The following DIO2 variants were observed in gnomAD, a reference collection of about 807,000 sequenced individuals.
The protein encoded by DIO2 is type II iodothyronine deiodinase.
A neutral mutation model predicts 21.4 loss-of-function variants in DIO2; 19 were observed. The ratio of observed to expected loss-of-function variants is 0.89; its 90% CI spans 0.62 to 1.30. DIO2 has a LOEUF of 1.30. Ranked by LOEUF, DIO2 falls within the 50% of genes most tolerant of loss-of-function variation. DIO2 has a pLI of 0.00. For missense variants in DIO2, 302 were observed against 338.1 expected (o/e 0.89, Z 0.84); for synonymous variants, 122 against 132.9 (o/e 0.92, Z 0.57).
At chr14:80,203,516 T>C (rs1887831226) in intron 1 of DIO2, among the ~76,000 whole-genome samples, 1 of 152,210 alleles carries the variant, frequency 6.6e-6, no homozygotes, top group African/African-American at 2.4e-5. Flanking sequence ...TTCTGTATAG[T>C]CACTGAAGAT....
chr14:80,210,201 G>C (rs1029033918), intron 1 of DIO2, among the ~76,000 whole-genome samples: 1 of 152,138 alleles, frequency 6.6e-6, no homozygotes, highest in African/African-American at 2.4e-5. Context: ...CTCAAGCCTG[G>C]TTGAGGGGGT....
chr14:80,231,002 C>T (rs1031235446), intron 2 of DIO2: 5 of 152,206 alleles, frequency 3.3e-5, no homozygotes, highest in African/African-American at 1.2e-4. Flanking sequence ...TGTTTGAGGG[C>T]AGGAAGCATC....
At chr14:80,229,662 T>G in intron 2 of DIO2, among the ~76,000 whole-genome samples, 1 of 152,196 alleles carries the variant, frequency 6.6e-6, no homozygotes, top group South Asian at 2.1e-4. Context: ...GCTCACAGTG[T>G]GCCATCTTTT....
At chr14:80,221,017 T>A (rs1426176299) in intron 2 of DIO2, among the ~76,000 whole-genome samples, 1 of 152,178 alleles carries the variant, frequency 6.6e-6, no homozygotes, top group East Asian at 1.9e-4. Flanking sequence ...TGAGATTTTT[T>A]AAAAAAACTT....
At chr14:80,206,803 T>A (rs558963696) in intron 1 of DIO2, among the ~76,000 whole-genome samples, 2 of 152,178 alleles carry the variant, frequency 1.3e-5, no homozygotes, top group Non-Finnish European at 2.9e-5. Context: ...TTTTTGTCCT[T>A]AATGAGACAT....
intron 2 of DIO2, among the ~76,000 whole-genome samples, chr14:80,227,968 C>T (rs575987361): frequency 1.3e-5 from 2 of 152,308 alleles, no homozygotes; most frequent in African/African-American, 2.4e-5. Flanking sequence ...CACCACTGGA[C>T]CCCTAGAAAT....
chr14:80,202,240 G>T lies in DIO2; in HGVS notation c.*449C>A. On this transcript the variant is annotated 3_prime_UTR_variant, in exon 2 of 2. Coordinates refer to ENST00000438257, the MANE Select transcript of DIO2 (RefSeq NM_013989.5). ...CATGGCCTGGGTTCAAGGACTTGTT[G>T]TAATATTTGGGAATTTTCCAACTGG... is the stretch of plus-strand genomic sequence containing the variant. 2.0e-6 allele frequency: 1 copy of T among 508,632 alleles called. No homozygotes were observed. Among genetic ancestry groups the T allele is most frequent in the Non-Finnish European group, 3.9e-6 (1 of 255,314 alleles). The allele number at this position is 508,632 out of a possible 1,614,324, so 31.5% of individuals were successfully genotyped here.
At chr14:80,227,904 G>A (rs993160030) in intron 2 of DIO2, among the ~76,000 whole-genome samples, 3 of 152,176 alleles carry the variant, frequency 2.0e-5, no homozygotes, top group Admixed American at 6.5e-5. Context: ...TGTAGGAGGG[G>A]CCAAATGCAG....
At position 80,203,296 on chromosome 14, in the gene DIO2, T is replaced by C; in HGVS notation, c.223-8A>G. ...ATCCTCACCCAATTTCACCTGACGGTAAAAAAAAAAAAAAAGAAGAAGAAG... is the reference window on the plus strand; with the variant it reads ...ATCCTCACCCAATTTCACCTGACGGCAAAAAAAAAAAAAAAGAAGAAGAAG... On this transcript the variant is annotated splice_region_variant and splice_polypyrimidine_tract_variant and intron_variant, in intron 1 of 1. Transcript: ENST00000438257. 1 of 1,393,810 alleles carries C rather than the reference T, an allele frequency of 7.2e-7. No individual in the cohort carries two copies. Among genetic ancestry groups the C allele is most frequent in the Non-Finnish European group, 9.4e-7 (1 of 1,062,646 alleles). The allele number at this position is 1,393,810 out of a possible 1,614,324, so 86.3% of individuals were successfully genotyped here. A position where few individuals can be genotyped will look rare whatever the true frequency, so the allele number is the denominator to read the frequency against.
At chr14:80,230,021 G>C (rs1305140117) in intron 2 of DIO2, among the ~76,000 whole-genome samples, 2 of 152,074 alleles carry the variant, frequency 1.3e-5, no homozygotes, top group African/African-American at 4.8e-5. Context: ...GAGAATCAAC[G>C]TTATTTTTCC....
chr14:80,216,051 C>T (rs74958408), upstream of DIO2: 2 of 152,254 alleles, frequency 1.3e-5, no homozygotes, highest in Admixed American at 6.5e-5. Context: ...CAGCCCTCTC[C>T]GTAGGTTCCT....
chr14:80,202,495 T>C lies in DIO2; in HGVS notation c.*194A>G, dbSNP rs1345155919. On this transcript the variant is annotated 3_prime_UTR_variant, in exon 2 of 2. Transcript: ENST00000438257. Reference sequence around the variant, plus strand: ...CTTTTTACTAAGAAGAGAGGTGATATGGTTACTTACTCAGCCCAATGCCAT... The same window carrying C: ...CTTTTTACTAAGAAGAGAGGTGATACGGTTACTTACTCAGCCCAATGCCAT... 1 of 738,142 alleles carries C rather than the reference T, an allele frequency of 1.4e-6. No homozygotes were observed. The highest frequency in any genetic ancestry group is 2.4e-6 in the Non-Finnish European group (1 of 417,506). The allele number at this position is 738,142 out of a possible 1,614,324, so 45.7% of individuals were successfully genotyped here. A position where few individuals can be genotyped will look rare whatever the true frequency, so the allele number is the denominator to read the frequency against.
In DIO2 at chr14:80,202,291, A is replaced by C. The variant is rs1211703336; in HGVS notation, c.*398T>G. The stretch of plus-strand genomic sequence containing the variant: ...GCTCCATCCATGCCAAATAGAGCCA[A>C]GGCAATACCCTTTATCTTAACGTAG... On this transcript the variant is annotated 3_prime_UTR_variant, in exon 2 of 2. Transcript: ENST00000438257. 3.8e-6 allele frequency: 2 copies of C among 522,686 alleles called. No homozygotes were observed. Among genetic ancestry groups the C allele is most frequent in the African/African-American group, 1.9e-5 (1 of 52,138 alleles). The allele number at this position is 522,686 out of a possible 1,614,324, so 32.4% of individuals were successfully genotyped here. A position where few individuals can be genotyped will look rare whatever the true frequency, so the allele number is the denominator to read the frequency against.
At chr14:80,227,053 C>T (rs1332430042) in intron 2 of DIO2, among the ~76,000 whole-genome samples, 3 of 152,154 alleles carry the variant, frequency 2.0e-5, no homozygotes, top group African/African-American at 7.2e-5. Context: ...AAGTGCACAA[C>T]CAGGTACACT....
In DIO2 at chr14:80,199,920, C is replaced by A. The variant is rs932142419; in HGVS notation, c.*2769G>T. On this transcript the variant is annotated 3_prime_UTR_variant, in exon 2 of 2. Coordinates refer to ENST00000438257, the MANE Select transcript of DIO2 (RefSeq NM_013989.5). ...CCCTGTGGGACTAAGAACTACAATT[C>A]TTCAAAGGAACAAACCTTATAAAAC... 3 of 152,472 alleles carry A rather than the reference C, an allele frequency of 2.0e-5. No individual in the cohort carries two copies. The highest frequency in any genetic ancestry group is 4.4e-5 in the Non-Finnish European group (3 of 67,996). The allele number at this position is 152,472 out of a possible 1,614,324, so 9.4% of individuals were successfully genotyped here.
chr14:80,222,018 T>C (rs1424767514), intron 2 of DIO2, among the ~76,000 whole-genome samples: 2 of 152,142 alleles, frequency 1.3e-5, no homozygotes, highest in African/African-American at 4.8e-5. Context: ...ATATCACCGA[T>C]TACTGAGAGA....
At chr14:80,209,161 G>T (rs1212223367) in intron 1 of DIO2, among the ~76,000 whole-genome samples, 1 of 152,034 alleles carries the variant, frequency 6.6e-6, no homozygotes, top group Admixed American at 6.6e-5. Flanking sequence ...TATTGAAGAC[G>T]TATTTGTTTG....
chr14:80,221,731 A>AATGAGT (rs1401924475), intron 2 of DIO2, among the ~76,000 whole-genome samples: 80 of 152,334 alleles, frequency 5.3e-4, no homozygotes, highest in African/African-American at 1.8e-3. Flanking sequence ...AGTTTCTCAT[A>AATGAGT]ATGAAACTTC....
At chr14:80,208,307 T>G (rs1236161615) in intron 1 of DIO2, among the ~76,000 whole-genome samples, 1 of 152,128 alleles carries the variant, frequency 6.6e-6, no homozygotes, top group Non-Finnish European at 1.5e-5. Context: ...CTTACTAAAC[T>G]CACATTATCT....
Sources: gnomAD v4.1 joint callset for allele counts (sites outside exome capture counted in the v4.1 genomes callset) on GRCh38, gnomAD v4.1.1 for gene constraint, MANE v1.5 for transcripts, NCBI Gene and HGNC (gene_info 2026-07-23, HGNC 2026-07-21) for gene names.